ADGRB3: variants seen among roughly 807,000 people sequenced by gnomAD.
The protein encoded by ADGRB3 is brain-specific angiogenesis inhibitor 3.
A neutral mutation model predicts 193.4 loss-of-function variants in ADGRB3; 37 were observed. The ratio of observed to expected loss-of-function variants is 0.19; its 90% confidence interval spans 0.15 to 0.25. ADGRB3 has a LOEUF of 0.25. Among genes scored for constraint, ADGRB3 ranks in the 10% least tolerant of loss-of-function variants. ADGRB3 has a pLI of 1.00. For synonymous variants in ADGRB3, 690 were observed against 644.2 expected (o/e 1.07, Z -1.08); for missense variants, 1,637 against 1,852.9 (o/e 0.88, Z 2.14).
intron 17 of ADGRB3, among the ~76,000 whole-genome samples, chr6:69,224,008 A>G (rs922182008): frequency 2.0e-5 from 3 of 151,926 alleles, no homozygotes; most frequent in African/African-American, 4.8e-5. Flanking sequence ...CAGAAGTAAT[A>G]TAGTTACACT....
Position 68,658,811 on chromosome 6 carries a change from C to T in ADGRB3, c.757+19379C>T, listed in dbSNP as rs564420468. ...TTTACTTAGCACCATATTAACACAA[C>T]GAGCTGCTTAATCTTTTCTGTAATT... On this transcript the variant is annotated intron_variant, in intron 3 of 31. Coordinates refer to ENST00000370598, the MANE Select transcript of ADGRB3 (RefSeq NM_001704.3). Among the ~76,000 whole-genome samples the T allele has an allele frequency of 1.2e-3, 177 of 151,102 alleles. 3 individuals carry two copies. The highest frequency in any genetic ancestry group is 4.8e-3 in the Admixed American group (72 of 15,114).
At chr6:69,077,124 A>T (rs1310185068) in intron 17 of ADGRB3, among the ~76,000 whole-genome samples, 1 of 152,064 alleles carries the variant, frequency 6.6e-6, no homozygotes, top group Non-Finnish European at 1.5e-5. Context: ...AGTTAAGTAC[A>T]GAGAATTCCA....
At chr6:69,334,965 T>C (rs1768816147) in intron 24 of ADGRB3, among the ~76,000 whole-genome samples, 1 of 152,118 alleles carries the variant, frequency 6.6e-6, no homozygotes, top group Non-Finnish European at 1.5e-5. Flanking sequence ...ATAGCAAGCA[T>C]TCACTCAACA....
At chr6:68,645,019 G>A (rs1445864586) in intron 3 of ADGRB3, among the ~76,000 whole-genome samples, 1 of 152,070 alleles carries the variant, frequency 6.6e-6, no homozygotes, top group African/African-American at 2.4e-5. Context: ...CCTGACAGAA[G>A]CAATTTTATT....
intron 30 of ADGRB3, among the ~76,000 whole-genome samples, chr6:69,379,791 C>A (rs1295498580): frequency 6.6e-6 from 1 of 151,914 alleles, no homozygotes; most frequent in African/African-American, 2.4e-5. Flanking sequence ...GCCAAGGTGG[C>A]AGTTTCAAAT....
At chr6:68,721,187 T>A in intron 3 of ADGRB3, among the ~76,000 whole-genome samples, 1 of 151,872 alleles carries the variant, frequency 6.6e-6, no homozygotes, top group East Asian at 1.9e-4. Context: ...ATATGTTTAT[T>A]GTGGCACCAC....
chr6:68,840,441 A>C (rs1019290631), intron 3 of ADGRB3, among the ~76,000 whole-genome samples: 1 of 118,328 alleles, frequency 8.5e-6, no homozygotes, highest in Non-Finnish European at 1.6e-5. Flanking sequence ...CCTAGGCTGG[A>C]GTGCAGTGGC....
At chr6:68,942,687 T>G (rs1472784277) in intron 5 of ADGRB3, among the ~76,000 whole-genome samples, 2 of 152,080 alleles carry the variant, frequency 1.3e-5, no homozygotes, top group Non-Finnish European at 2.9e-5. Flanking sequence ...CTCACTTCAC[T>G]GCAGCCCCCA....
chr6:69,369,500 T>C (rs1472784144), intron 29 of ADGRB3, among the ~76,000 whole-genome samples: 2 of 151,966 alleles, frequency 1.3e-5, no homozygotes, highest in Non-Finnish European at 2.9e-5. Context: ...GAGTTCAAGA[T>C]CATTCTAGGC....
rs1772884895 is a variant in ADGRB3 at position 69,096,599 on chromosome 6, C to A, written c.2480+20561C>A. Among the ~76,000 whole-genome samples, 5 of 151,896 alleles carry A rather than the reference C, an allele frequency of 3.3e-5. No homozygotes were observed. In the South Asian group the frequency reaches 1.0e-3, roughly 31 times the overall value. On this transcript the variant is annotated intron_variant, in intron 17 of 31. Coordinates refer to ENST00000370598, the MANE Select transcript of ADGRB3 (RefSeq NM_001704.3). The stretch of plus-strand genomic sequence containing the variant: ...CTTAAAAGTGGGTGTTTTTCCTGAC[C>A]CCCAAGTCACTATAATCTTGCTCAT...
intron 6 of ADGRB3, among the ~76,000 whole-genome samples, chr6:68,948,845 A>G (rs1380748338): frequency 2.6e-5 from 4 of 152,116 alleles, no homozygotes; most frequent in African/African-American, 9.7e-5. Flanking sequence ...ACATATATAT[A>G]TAAATGGATT....
intron 4 of ADGRB3, among the ~76,000 whole-genome samples, chr6:68,935,714 A>C (rs1159355273): frequency 6.6e-6 from 1 of 152,134 alleles, no homozygotes; most frequent in Non-Finnish European, 1.5e-5. Flanking sequence ...TTGACTTTTG[A>C]GTCTCCTTGA....
intron 3 of ADGRB3, among the ~76,000 whole-genome samples, chr6:68,914,204 T>C (rs1306510837): frequency 6.6e-6 from 1 of 150,722 alleles, no homozygotes; most frequent in Non-Finnish European, 1.5e-5. Context: ...GCCACAAAGA[T>C]ACTCCTCGAG....
chr6:68,690,704 A>G (rs78514019), intron 3 of ADGRB3, among the ~76,000 whole-genome samples: 3,934 of 152,192 alleles, frequency 0.026, 114 homozygotes, highest in East Asian at 0.081. Context: ...AACCTCAGCC[A>G]TAAGAGATTG....
chr6:69,157,152 A>C (rs1774864035), intron 17 of ADGRB3, among the ~76,000 whole-genome samples: 1 of 152,218 alleles, frequency 6.6e-6, no homozygotes, highest in African/African-American at 2.4e-5. Flanking sequence ...CTGTACGTAG[A>C]GATGATAATA....
intron 30 of ADGRB3, among the ~76,000 whole-genome samples, chr6:69,380,528 C>T (rs1769925322): frequency 6.6e-6 from 1 of 151,704 alleles, no homozygotes; most frequent in Admixed American, 6.6e-5. Flanking sequence ...GGGATTCCAG[C>T]ATAGAATTAA....
In ADGRB3 at chr6:68,640,150, A is replaced by G. The variant is rs187829457; in HGVS notation, c.757+718A>G. Among the ~76,000 whole-genome samples, 499 of 152,244 alleles carry G rather than the reference A, an allele frequency of 3.3e-3. 3 individuals carry two copies. The highest frequency in any genetic ancestry group is 0.011 in the African/African-American group (477 of 41,556). On this transcript the variant is annotated intron_variant, in intron 3 of 31. Coordinates refer to ENST00000370598, the MANE Select transcript of ADGRB3 (RefSeq NM_001704.3). ...CCTGAGGACGGGGTGGAGGGGTGCA[A>G]TGAAAACACATAGTGATCCTTTAAG...
intron 3 of ADGRB3, among the ~76,000 whole-genome samples, chr6:68,644,704 A>T (rs1274189041): frequency 6.6e-6 from 1 of 152,210 alleles, no homozygotes; most frequent in Non-Finnish European, 1.5e-5. Context: ...TCCGTTTGCC[A>T]TCTTAGAATT....
At position 69,135,487 on chromosome 6, in the gene ADGRB3, G is replaced by A. The variant is rs570044294; in HGVS notation, c.2480+59449G>A. Among the ~76,000 whole-genome samples the A allele has an allele frequency of 9.9e-5, 15 of 152,032 alleles. No individual in the cohort carries two copies. In the South Asian group the frequency reaches 1.9e-3, roughly 19 times the overall value. On this transcript the variant is annotated intron_variant, in intron 17 of 31. Coordinates refer to ENST00000370598, the MANE Select transcript of ADGRB3 (RefSeq NM_001704.3). ...AATTCATCAGAATAAATGTACTGTCGTAGTAAGCCAGGGAAAAAGCTATAC... is the reference window on the plus strand; with the variant it reads ...AATTCATCAGAATAAATGTACTGTCATAGTAAGCCAGGGAAAAAGCTATAC...
Sources: allele counts gnomAD v4.1 joint callset (sites outside exome capture counted in the v4.1 genomes callset), GRCh38; gene constraint gnomAD v4.1.1; transcripts MANE v1.5; gene names NCBI Gene and HGNC (gene_info 2026-07-23, HGNC 2026-07-21).